Variants in EPB41L3 observed in about 807,000 individuals in gnomAD.
EPB41L3 encodes band 4.1-like protein 3.
In EPB41L3, 57 loss-of-function variants were observed where a neutral mutation model predicts 127.1. The observed-to-expected ratio is 0.45, with a 90% confidence interval of 0.36 to 0.56. EPB41L3 has a LOEUF of 0.56. EPB41L3 is among the 20% of genes least tolerant of loss of function. The probability of loss-of-function intolerance (pLI) is 0.00; values close to 1 mark genes in which losing one functional copy is unlikely to be tolerated. For missense variants in EPB41L3, 1,273 were observed against 1,372.2 expected (o/e 0.93, Z 1.14); for synonymous variants, 572 against 549.5 (o/e 1.04, Z -0.57).
intron 8 of EPB41L3, among the ~76,000 whole-genome samples, chr18:5,430,692 T>C (rs896945006): frequency 1.3e-4 from 19 of 151,040 alleles, no homozygotes; most frequent in Non-Finnish European, 2.2e-4. Context: ...GCCTCCTGAG[T>C]AGCTGGAACC....
intron 3 of EPB41L3, among the ~76,000 whole-genome samples, chr18:5,583,262 C>T (rs2094411787): frequency 6.6e-6 from 1 of 152,110 alleles, no homozygotes; most frequent in Admixed American, 6.5e-5. Context: ...TTCACAAAGG[C>T]CTCGTGAAAT....
chr18:5,604,239 G>A (rs377697203), intron 3 of EPB41L3, among the ~76,000 whole-genome samples: 33 of 150,516 alleles, frequency 2.2e-4, no homozygotes, highest in East Asian at 1.4e-3. Context: ...AAATCTCCTT[G>A]GTATTTGACT....
Position 5,395,190 on chromosome 18 carries a change from A to G in EPB41L3, c.3073-43T>C, listed in dbSNP as rs1193151134. 3 of 1,543,742 alleles carry G rather than the reference A, an allele frequency of 1.9e-6. No homozygotes were observed. The East Asian group carries it at 6.7e-5, about 35-fold the overall frequency. On this transcript the variant is annotated intron_variant, in intron 20 of 22. Coordinates refer to ENST00000341928, the MANE Select transcript of EPB41L3 (RefSeq NM_012307.5). ...AAGCTTTATGAATTTACTCACTGGG[A>G]GAAACCATCATGGTTCAGTAGGGGG...
At chr18:5,500,555 G>T (rs1262115059) in intron 1 of EPB41L3, among the ~76,000 whole-genome samples, 1 of 152,190 alleles carries the variant, frequency 6.6e-6, no homozygotes, top group East Asian at 1.9e-4. Flanking sequence ...TATACTGTCT[G>T]CTATCTGGGG....
At chr18:5,611,980 T>C (rs1489413038) in intron 3 of EPB41L3, among the ~76,000 whole-genome samples, 1 of 151,992 alleles carries the variant, frequency 6.6e-6, no homozygotes, top group Non-Finnish European at 1.5e-5. Flanking sequence ...AATAAATTGT[T>C]AAGTTCTCAA....
At chr18:5,468,563 G>A (rs555733252) in intron 3 of EPB41L3, among the ~76,000 whole-genome samples, 101 of 152,244 alleles carry the variant, frequency 6.6e-4, no homozygotes, top group African/African-American at 2.4e-3. Flanking sequence ...CTCCTCTGAG[G>A]GCTGCACACT....
intron 1 of EPB41L3, among the ~76,000 whole-genome samples, chr18:5,626,931 GAAGA>G (rs959526777): frequency 3.9e-5 from 6 of 152,262 alleles, no homozygotes; most frequent in African/African-American, 1.4e-4. Flanking sequence ...CTGGAGAAAA[GAAGA>G]AACAGAGAGA....
chr18:5,496,806 T>C (rs2091225237), intron 1 of EPB41L3, among the ~76,000 whole-genome samples: 1 of 152,236 alleles, frequency 6.6e-6, no homozygotes, highest in Admixed American at 6.5e-5. Flanking sequence ...CATTAATACA[T>C]TCCTTTAACA....
intron 1 of EPB41L3, among the ~76,000 whole-genome samples, chr18:5,496,574 A>G (rs1329738850): frequency 6.6e-6 from 1 of 152,256 alleles, no homozygotes; most frequent in African/African-American, 2.4e-5. Flanking sequence ...GGATCTCTGC[A>G]CTGTGAACAC....
In EPB41L3 at chr18:5,541,202, G is replaced by A. The variant is rs1051331185; in HGVS notation, c.-12+2711C>T. ...CAGGAGTCGGAGGTTGCAGTGAGCG[G>A]AGACCGTGCCATTGCACTCCAGCCT... On this transcript the variant is annotated intron_variant, in intron 1 of 22. Coordinates refer to ENST00000341928, the MANE Select transcript of EPB41L3 (RefSeq NM_012307.5). Among the ~76,000 whole-genome samples, 4 of 131,272 alleles carry A rather than the reference G, an allele frequency of 3.0e-5. 1 individual carries two copies. The highest frequency in any genetic ancestry group is 4.9e-4 in the South Asian group (2 of 4,112). 86.1% of individuals were successfully genotyped at this position (131,272 alleles called of 152,430 possible).
intron 1 of EPB41L3, among the ~76,000 whole-genome samples, chr18:5,493,374 A>C (rs1285072157): frequency 1.3e-5 from 2 of 152,220 alleles, no homozygotes; most frequent in Admixed American, 6.5e-5. Context: ...TATAGGACTC[A>C]AATGGACAAA....
chr18:5,424,886 G>T (rs895547741), intron 9 of EPB41L3, among the ~76,000 whole-genome samples: 1 of 152,062 alleles, frequency 6.6e-6, no homozygotes, highest in African/African-American at 2.4e-5. Flanking sequence ...TGTGTGTTCC[G>T]CTATGGATTA....
intron 6 of EPB41L3, among the ~76,000 whole-genome samples, chr18:5,437,499 TC>T (rs1333487596): frequency 1.3e-5 from 2 of 152,174 alleles, no homozygotes; most frequent in African/African-American, 4.8e-5. Context: ...TATAATGAGA[TC>T]CCCTTTCACA....
At chr18:5,415,491 T>A (rs920566730) in intron 13 of EPB41L3, among the ~76,000 whole-genome samples, 2 of 152,244 alleles carry the variant, frequency 1.3e-5, no homozygotes, top group South Asian at 2.1e-4. Context: ...AAACCATAAC[T>A]GATCAGAACC....
intron 3 of EPB41L3, among the ~76,000 whole-genome samples, chr18:5,450,651 AG>A (rs1033530064): frequency 5.3e-5 from 8 of 152,180 alleles, no homozygotes; most frequent in Middle Eastern, 6.8e-3. Flanking sequence ...TAAAAAAAAA[AG>A]TTAACCTCCA....
intron 3 of EPB41L3, among the ~76,000 whole-genome samples, chr18:5,583,625 G>GA (rs1183879276): frequency 2.0e-5 from 3 of 152,172 alleles, no homozygotes; most frequent in Non-Finnish European, 4.4e-5. Context: ...CAACATGTCT[G>GA]AAATCAGGAT....
rs566732815 is a variant in EPB41L3 at position 5,394,661 on chromosome 18, C to A, written c.*6+16G>T. The A allele has an allele frequency of 6.9e-6, 11 of 1,597,288 alleles. No homozygotes were observed. The South Asian group carries it at 1.1e-4, about 16-fold the overall frequency. On this transcript the variant is annotated intron_variant, in intron 22 of 22. Transcript: ENST00000341928. ...GCCAGCCTAGGCAAGCCTAGAGAAT[C>A]GGCATCACCTCTTACCTCTGGTCAA... is the stretch of plus-strand genomic sequence containing the variant.
intron 1 of EPB41L3, among the ~76,000 whole-genome samples, chr18:5,493,157 A>G (rs141674129): frequency 8.3e-4 from 127 of 152,318 alleles, no homozygotes; most frequent in African/African-American, 3.0e-3. Context: ...TGACTGCTAA[A>G]TTAGTTTCTG....
intron 1 of EPB41L3, among the ~76,000 whole-genome samples, chr18:5,627,636 G>A (rs11663365): frequency 0.017 from 2,650 of 152,286 alleles, 28 homozygotes; most frequent in Non-Finnish European, 0.025. Context: ...ATTATTAAAT[G>A]TATTTTCAGT....
Sources: gnomAD v4.1 joint callset for allele counts (sites outside exome capture counted in the v4.1 genomes callset) on GRCh38, gnomAD v4.1.1 for gene constraint, MANE v1.5 for transcripts, NCBI Gene and HGNC (gene_info 2026-07-23, HGNC 2026-07-21) for gene names.